Variants in ZNF385D observed in about 807,000 individuals in gnomAD.
ZNF385D encodes the protein zinc finger protein 385D, also known as zinc finger protein 659.
In ZNF385D, 15 loss-of-function variants were observed where a neutral mutation model predicts 35.8. The ratio of observed to expected loss-of-function variants is 0.42; its 90% CI spans 0.28 to 0.64. The LOEUF (loss-of-function observed/expected upper bound fraction) is 0.64. Ranked by LOEUF, ZNF385D falls within the 30% of genes least tolerant of loss-of-function variation. The pLI is 0.23. For missense variants in ZNF385D, 474 were observed against 494.6 expected (o/e 0.96, Z 0.39); for synonymous variants, 212 against 186.8 (o/e 1.13, Z -1.10).
chr3:21,567,036 T>A (rs1022157483), intron 2 of ZNF385D, among the ~76,000 whole-genome samples: 7 of 152,248 alleles, frequency 4.6e-5, no homozygotes, highest in African/African-American at 1.4e-4. Flanking sequence ...AGCTTGTTCC[T>A]TTTTATTGCT....
chr3:21,710,938 C>G (rs1272866399), intron 1 of ZNF385D, among the ~76,000 whole-genome samples: 1 of 151,594 alleles, frequency 6.6e-6, no homozygotes, highest in Admixed American at 6.6e-5. Flanking sequence ...AATCTAAATG[C>G]TCTCTGATTT....
chr3:22,204,923 G>A (rs1697046213), intron 2 of ZNF385D, among the ~76,000 whole-genome samples: 1 of 145,876 alleles, frequency 6.9e-6, no homozygotes, highest in South Asian at 2.2e-4. Flanking sequence ...GATAGAGAGA[G>A]AGAGCCTGGG....
intron 3 of ZNF385D, among the ~76,000 whole-genome samples, chr3:22,113,773 A>G (rs1241961678): frequency 6.6e-6 from 1 of 152,072 alleles, no homozygotes; most frequent in Non-Finnish European, 1.5e-5. Context: ...ATCACGAGTC[A>G]GGAGATAAAG....
intron 3 of ZNF385D, among the ~76,000 whole-genome samples, chr3:21,824,665 G>C (rs1333452196): frequency 6.6e-6 from 1 of 151,990 alleles, no homozygotes; most frequent in East Asian, 1.9e-4. Flanking sequence ...TGATGAAGTT[G>C]AATAGAAACT....
At chr3:22,107,722 A>G (rs546555540) in intron 3 of ZNF385D, among the ~76,000 whole-genome samples, 1 of 151,990 alleles carries the variant, frequency 6.6e-6, no homozygotes, top group Non-Finnish European at 1.5e-5. Flanking sequence ...TTTTCTGTGC[A>G]TGCGCTGTAT....
Position 22,323,510 on chromosome 3 carries a change from A to G in ZNF385D, c.106+48940T>C, listed in dbSNP as rs182541473. ...CTGAATAATGCTAACACATTGAGGT[A>G]AATGCTTAAGAATACAAAACCGTGA... On this transcript the variant is annotated intron_variant, in intron 2 of 5. Transcript: ENST00000494108. 2.7e-3 allele frequency among the ~76,000 whole-genome samples: 407 copies of G among 152,346 alleles called. 8 individuals are homozygous for G. The South Asian group carries it at 0.032, about 12-fold the overall frequency.
chr3:22,060,800 T>C (rs1699650290), intron 3 of ZNF385D, among the ~76,000 whole-genome samples: 1 of 152,084 alleles, frequency 6.6e-6, no homozygotes, highest in African/African-American at 2.4e-5. Flanking sequence ...CAAGGGTTTC[T>C]GAATATAAAC....
chr3:21,865,986 T>C (rs1336176581), intron 3 of ZNF385D, among the ~76,000 whole-genome samples: 1 of 152,098 alleles, frequency 6.6e-6, no homozygotes, highest in Non-Finnish European at 1.5e-5. Context: ...TCTTAGGAAA[T>C]ACTAGATTAT....
intron 3 of ZNF385D, among the ~76,000 whole-genome samples, chr3:21,812,657 C>T (rs745785180): frequency 4.6e-5 from 7 of 152,180 alleles, no homozygotes; most frequent in African/African-American, 1.4e-4. Context: ...GAGGGGAGTG[C>T]GCCATTGCTG....
At chr3:21,724,694 A>T (rs1195633935) in intron 1 of ZNF385D, among the ~76,000 whole-genome samples, 1 of 152,022 alleles carries the variant, frequency 6.6e-6, no homozygotes, top group South Asian at 2.1e-4. Context: ...AAGTTCTTAG[A>T]GACTTACAAA....
At chr3:21,600,344 C>T (rs575602259) in intron 2 of ZNF385D, among the ~76,000 whole-genome samples, 3 of 152,054 alleles carry the variant, frequency 2.0e-5, no homozygotes, top group African/African-American at 7.2e-5. Context: ...AATCAGGACC[C>T]CTTTGTTGTA....
intron 3 of ZNF385D, among the ~76,000 whole-genome samples, chr3:21,908,994 T>C (rs1559744401): frequency 6.6e-6 from 1 of 151,940 alleles, no homozygotes; most frequent in Non-Finnish European, 1.5e-5. Context: ...AACCTCAGAA[T>C]TTTTTTTAAA....
At chr3:22,046,460 T>C (rs987933542) in intron 3 of ZNF385D, among the ~76,000 whole-genome samples, 5 of 152,154 alleles carry the variant, frequency 3.3e-5, no homozygotes, top group African/African-American at 1.2e-4. Context: ...GTTTTGCTGA[T>C]ATTTAATCCG....
At chr3:21,920,614 T>C (rs2125219643) in intron 3 of ZNF385D, among the ~76,000 whole-genome samples, 1 of 85,222 alleles carries the variant, frequency 1.2e-5, no homozygotes, top group South Asian at 5.1e-4. Flanking sequence ...TTGATGATGA[T>C]ACAATGCCAA....
intron 2 of ZNF385D, among the ~76,000 whole-genome samples, chr3:22,260,591 A>G (rs1700577748): frequency 1.3e-5 from 2 of 152,058 alleles, no homozygotes. Context: ...GAATAAAATC[A>G]GTATAAATTT....
chr3:21,690,766 T>C (rs371091851), intron 1 of ZNF385D, among the ~76,000 whole-genome samples: 8 of 152,264 alleles, frequency 5.3e-5, no homozygotes, highest in Non-Finnish European at 7.4e-5. Context: ...CCTAGACCTA[T>C]GGAATCAGAA....
rs539490494 is a variant in ZNF385D at position 22,233,638 on chromosome 3, C to A, written c.107-64603G>T. On this transcript the variant is annotated intron_variant, in intron 2 of 5. Coordinates refer to the ZNF385D transcript ENST00000494108. Reference sequence around the variant, plus strand: ...ATGACCCTCCAACTACATCATAACCCCCAGAATACCTGGCTTCTACCCACA... The same window carrying A: ...ATGACCCTCCAACTACATCATAACCACCAGAATACCTGGCTTCTACCCACA... 4.6e-5 allele frequency among the ~76,000 whole-genome samples: 7 copies of A among 152,164 alleles called. No individual in the cohort carries two copies. The South Asian group carries it at 8.3e-4, about 18-fold the overall frequency.
intron 4 of ZNF385D, among the ~76,000 whole-genome samples, chr3:21,456,742 T>TAAAA (rs139658154): frequency 1.3e-5 from 2 of 151,638 alleles, no homozygotes; most frequent in African/African-American, 2.4e-5. Context: ...TAATAAAAAA[T>TAAAA]AAATAAATAA....
chr3:21,541,660 A>G lies in ZNF385D; in HGVS notation c.276+22914T>C, dbSNP rs560970043. On this transcript the variant is annotated intron_variant, in intron 3 of 7. Coordinates refer to ENST00000281523, the MANE Select transcript of ZNF385D (RefSeq NM_024697.3). Reference sequence around the variant, plus strand: ...TGTCCTAGTTTTCAGGACTAGGATGAAACTGATTATTTATGATATGCTGAA... The same window carrying G: ...TGTCCTAGTTTTCAGGACTAGGATGGAACTGATTATTTATGATATGCTGAA... 2.6e-5 allele frequency among the ~76,000 whole-genome samples: 4 copies of G among 152,348 alleles called. No homozygotes were observed. In the East Asian group the frequency reaches 7.7e-4, roughly 29 times the overall value.
Sources: gnomAD v4.1 joint callset for allele counts (sites outside exome capture counted in the v4.1 genomes callset) on GRCh38, gnomAD v4.1.1 for gene constraint, MANE v1.5 for transcripts, NCBI Gene and HGNC (gene_info 2026-07-23, HGNC 2026-07-21) for gene names.